The following DNAJC16 variants were observed in gnomAD, a reference collection of about 807,000 sequenced individuals.
The protein encoded by DNAJC16 is DnaJ heat shock protein family (Hsp40) member C16, also known as dnaJ homolog subfamily C member 16.
Under a neutral mutation model 92.7 loss-of-function variants are expected in DNAJC16, and 76 were observed. The observed-to-expected ratio is 0.82, with a 90% CI of 0.68 to 0.99. DNAJC16 has a LOEUF of 0.99. DNAJC16 is among the 50% of genes least tolerant of loss of function. DNAJC16 has a pLI of 0.00. For synonymous variants in DNAJC16, 328 were observed against 358.7 expected (o/e 0.91, Z 0.97); for missense variants, 869 against 942.4 (o/e 0.92, Z 1.02).
In DNAJC16 at chr1:15,526,954, T is replaced by G. The variant is rs982464274; in HGVS notation, c.-23T>G. On this transcript the variant is annotated 5_prime_UTR_variant, in exon 1 of 15. Transcript: ENST00000375847. ...TGCAGCCGGTTGGGCCGGTGTACTT[T>G]CCCGGTAACTCCTTCCCGGCGTGAC... is the stretch of plus-strand genomic sequence containing the variant. 6.6e-6 allele frequency: 1 copy of G among 152,322 alleles called. No individual in the cohort carries two copies. The highest frequency in any genetic ancestry group is 1.5e-5 in the Non-Finnish European group (1 of 68,118). The allele number at this position is 152,322 out of a possible 1,614,324, so 9.4% of individuals were successfully genotyped here. A position where few individuals can be genotyped will look rare whatever the true frequency, so the allele number is the denominator to read the frequency against.
chr1:15,540,123 C>G (rs1011334583), intron 4 of DNAJC16, among the ~76,000 whole-genome samples: 7 of 151,180 alleles, frequency 4.6e-5, no homozygotes, highest in African/African-American at 1.7e-4. Flanking sequence ...GTTAGGAGTT[C>G]GAGACCAGCC....
rs976339558 is a variant in DNAJC16, at chr1:15,569,525, G to C, written c.*1348G>C. 1.1e-4 allele frequency: 17 copies of C among 152,062 alleles called. No homozygotes were observed. The highest frequency in any genetic ancestry group is 4.1e-4 in the African/African-American group (17 of 41,416). The allele number at this position is 152,062 out of a possible 1,614,324, so 9.4% of individuals were successfully genotyped here. On this transcript the variant is annotated 3_prime_UTR_variant, in exon 15 of 15. Coordinates refer to ENST00000375847, the MANE Select transcript of DNAJC16 (RefSeq NM_015291.4). ...CAGAATGACCAGTGGTTCTGAGTTT[G>C]AGTTTGGACAGCTTCAAAGAGTGGT... is the stretch of plus-strand genomic sequence containing the variant.
chr1:15,562,219 CA>C lies in DNAJC16; in HGVS notation c.1235del (p.Asn412ThrfsTer6). On this transcript the variant is annotated frameshift_variant, in exon 9 of 15. Coordinates refer to ENST00000375847, the MANE Select transcript of DNAJC16 (RefSeq NM_015291.4). LOFTEE classifies it high-confidence loss of function. ...GAGGCTTTCCTGTCCTTTGCCCTGG[CA>C]AACACTCAAGACACAGTGAGATTTG... ...PFEAFLSFAL[A>X]NTQDTVRFVH... 6.2e-7 allele frequency: 1 copy of C among 1,614,138 alleles called. No individual in the cohort carries two copies. The highest frequency in any genetic ancestry group is 8.5e-7 in the Non-Finnish European group (1 of 1,179,976).
rs759059472 is a variant in DNAJC16 at position 15,567,187 on chromosome 1, A to T, written c.1867A>T (p.Met623Leu). ...SNLVRLRPGH[M>L]NVVLILSNST... ...CTTGGTACGTCTGAGGCCAGGCCAC[A>T]TGAATGTGGTCCTCATCCTGTCGAA... The change falls in exon 14 of 15, where the codon ATG (methionine) becomes TTG (leucine). Residue 623 changes from methionine to leucine, a missense_variant. Coordinates refer to ENST00000375847, the MANE Select transcript of DNAJC16 (RefSeq NM_015291.4). 6.2e-7 allele frequency: 1 copy of T among 1,614,220 alleles called. No homozygotes were observed. Among genetic ancestry groups the T allele is most frequent in the Non-Finnish European group, 8.5e-7 (1 of 1,180,024 alleles).
At chr1:15,556,335 A>C (rs1054886450) in intron 7 of DNAJC16, among the ~76,000 whole-genome samples, 2 of 151,996 alleles carry the variant, frequency 1.3e-5, no homozygotes, top group Non-Finnish European at 2.9e-5. Context: ...CCCGGGTTCA[A>C]GTAATTCTCC....
At chr1:15,546,919 T>TCTTTTC (rs202178061) in intron 6 of DNAJC16, 48 bp downstream of exon 6, 1 of 1,048,256 alleles carries the variant, frequency 9.5e-7, no homozygotes, top group African/African-American at 1.7e-5. Flanking sequence ...TCTTTTCTTT[T>TCTTTTC]TTTTTTTTTT....
At chr1:15,540,858 A>G (rs1021947927) in intron 4 of DNAJC16, among the ~76,000 whole-genome samples, 4 of 152,188 alleles carry the variant, frequency 2.6e-5, no homozygotes, top group Non-Finnish European at 4.4e-5. Flanking sequence ...CATTCAATCT[A>G]TATAGCAATC....
intron 8 of DNAJC16, 44 bp from the exon 9 acceptor site, chr1:15,562,098 G>A: frequency 6.3e-7 from 1 of 1,584,020 alleles, no homozygotes; most frequent in Non-Finnish European, 8.6e-7. Flanking sequence ...TGCTGGCCCT[G>A]CCATCAGGGA....
intron 7 of DNAJC16, 89 bp from the exon 8 acceptor site, chr1:15,559,437 G>A (rs1481552314): frequency 1.8e-5 from 28 of 1,559,974 alleles, no homozygotes; most frequent in Middle Eastern, 1.7e-4. Context: ...GGTCAGCTAC[G>A]TTTTTATTAA....
intron 7 of DNAJC16, among the ~76,000 whole-genome samples, chr1:15,558,894 C>G (rs1431951453): frequency 6.6e-6 from 1 of 152,144 alleles, no homozygotes; most frequent in Admixed American, 6.5e-5. Context: ...GCCTAAAATT[C>G]AAAATGATTG....
chr1:15,564,158 G>A (rs996530752), intron 10 of DNAJC16, 47 bp downstream of exon 10: 13 of 1,606,898 alleles, frequency 8.1e-6, no homozygotes, highest in Non-Finnish European at 1.0e-5. Context: ...GGGCTTGTGA[G>A]TACACAGTGC....
chr1:15,567,468 C>A (rs1021996702), intron 14 of DNAJC16, among the ~76,000 whole-genome samples, 199 bp downstream of exon 14: 2 of 152,186 alleles, frequency 1.3e-5, no homozygotes, highest in Non-Finnish European at 2.9e-5. Flanking sequence ...TTTGTTGGTT[C>A]TGAACAGAAA....
chr1:15,550,586 TA>T (rs1400678926), intron 7 of DNAJC16, among the ~76,000 whole-genome samples: 1 of 152,224 alleles, frequency 6.6e-6, no homozygotes, highest in Non-Finnish European at 1.5e-5. Context: ...TATCATAACC[TA>T]AGTACAGAGT....
Position 15,565,966 on chromosome 1 carries a change from T to G in DNAJC16, c.1646T>G (p.Ile549Ser). 2 of 1,613,978 alleles carry G rather than the reference T, an allele frequency of 1.2e-6. No individual in the cohort carries two copies. Among genetic ancestry groups the G allele is most frequent in the Non-Finnish European group, 1.7e-6 (2 of 1,180,000 alleles). Residue 549 changes from isoleucine to serine, a missense_variant, in exon 12 of 15, where the codon ATC (isoleucine) becomes AGC (serine). Ile to Ser is a moderately radical substitution (Grantham distance 142). Coordinates refer to ENST00000375847, the MANE Select transcript of DNAJC16 (RefSeq NM_015291.4). ...TCCCTGATCTTCTCTGCCCTCTTCA[T>G]CCTCTTCGGCACTGTCATCGTTCAG... is the stretch of plus-strand genomic sequence containing the variant. ...LLSLIFSALF[I>S]LFGTVIVQAF...
At chr1:15,538,860 T>C (rs1710857352) in intron 4 of DNAJC16, among the ~76,000 whole-genome samples, 2 of 152,272 alleles carry the variant, frequency 1.3e-5, no homozygotes, top group African/African-American at 4.8e-5. Flanking sequence ...TGATTTTGTT[T>C]CATTTCACGT....
At chr1:15,553,521 A>G (rs773844392) in intron 7 of DNAJC16, among the ~76,000 whole-genome samples, 12 of 152,224 alleles carry the variant, frequency 7.9e-5, no homozygotes, top group Non-Finnish European at 1.8e-4. Flanking sequence ...GACGTGAGTC[A>G]CCGCACCTGG....
chr1:15,553,348 C>T (rs1271279946), intron 7 of DNAJC16, among the ~76,000 whole-genome samples: 6 of 152,028 alleles, frequency 3.9e-5, no homozygotes, highest in Non-Finnish European at 8.8e-5. Flanking sequence ...GATTCTCCTG[C>T]CTCAGCCTCC....
rs751047942 is a variant in DNAJC16 at position 15,565,908 on chromosome 1, T to G, written c.1599-11T>G. 1 of 1,611,650 alleles carries G rather than the reference T, an allele frequency of 6.2e-7. No homozygotes were observed. Among genetic ancestry groups the G allele is most frequent in the South Asian group, 1.1e-5 (1 of 90,696 alleles). ...TTAACTTGAGCTAATAGTTTGTTAA[T>G]TTGGTTTTAGGAGGGAAATGATGCC... On this transcript the variant is annotated splice_polypyrimidine_tract_variant and intron_variant, in intron 11 of 14. Transcript: ENST00000375847.
intron 7 of DNAJC16, among the ~76,000 whole-genome samples, chr1:15,554,240 G>C (rs572147750): frequency 1.3e-5 from 2 of 151,988 alleles, no homozygotes; most frequent in Non-Finnish European, 2.9e-5. Flanking sequence ...GATAGGAATA[G>C]ACTATGGTGT....
Sources: allele counts gnomAD v4.1 joint callset (sites outside exome capture counted in the v4.1 genomes callset), GRCh38; gene constraint gnomAD v4.1.1; transcripts MANE v1.5; gene names NCBI Gene and HGNC (gene_info 2026-07-23, HGNC 2026-07-21).